The following KIAA1671 variants were observed in gnomAD, a reference collection of about 807,000 sequenced individuals.
KIAA1671 encodes uncharacterized protein KIAA1671.
In KIAA1671, 52 loss-of-function variants were observed where a neutral mutation model predicts 131.2. The observed-to-expected ratio is 0.40, with a 90% CI of 0.32 to 0.50. The LOEUF is 0.50. Ranked by LOEUF, KIAA1671 falls within the 20% of genes least tolerant of loss-of-function variation. The pLI, the probability that KIAA1671 is intolerant of heterozygous loss-of-function variation, is 0.73. For missense variants in KIAA1671, 2,360 were observed against 2,364.2 expected, an observed-to-expected ratio of 1.00 and a Z score of 0.04; for synonymous variants, 1,003 against 961.6, an observed-to-expected ratio of 1.04 and a Z score of -0.80.
At chr22:25,046,562 C>G (rs2145815945) in intron 5 of KIAA1671, among the ~76,000 whole-genome samples, 1 of 151,182 alleles carries the variant, frequency 6.6e-6, no homozygotes, top group African/African-American at 2.5e-5. Context: ...TCACATGGCT[C>G]CACTCCAAAA....
chr22:24,995,707 TGATG>T (rs1240562152), intron 1 of KIAA1671, among the ~76,000 whole-genome samples: 5 of 152,240 alleles, frequency 3.3e-5, no homozygotes, highest in Admixed American at 2.0e-4. Context: ...GGACAATTAC[TGATG>T]TAGGTGTTGA....
At chr22:24,974,784 C>A (rs1922831268) in intron 1 of KIAA1671, among the ~76,000 whole-genome samples, 1 of 145,202 alleles carries the variant, frequency 6.9e-6, no homozygotes, top group Non-Finnish European at 1.5e-5. Context: ...CCTCAACTTT[C>A]CGGCTTCAAG....
chr22:25,180,486 C>T (rs1387411507), intron 9 of KIAA1671, among the ~76,000 whole-genome samples: 1 of 151,848 alleles, frequency 6.6e-6, no homozygotes, highest in Non-Finnish European at 1.5e-5. Context: ...TGCAGGGAGC[C>T]GAGATCGTGC....
intron 1 of KIAA1671, among the ~76,000 whole-genome samples, chr22:24,953,156 G>A (rs1288088742): frequency 6.6e-6 from 1 of 152,214 alleles, no homozygotes; most frequent in Non-Finnish European, 1.5e-5. Context: ...CCAGTCAGGG[G>A]TGACGGCGAA....
intron 6 of KIAA1671, among the ~76,000 whole-genome samples, chr22:25,123,190 GTTTTTTTTTT>G (rs59051108): frequency 3.2e-5 from 2 of 63,396 alleles, no homozygotes; most frequent in Admixed American, 1.9e-4. Context: ...CTGAGATGAG[GTTTTTTTTTT>G]TTTTTTTTTT....
intron 1 of KIAA1671, among the ~76,000 whole-genome samples, chr22:24,965,407 C>T (rs1251662798): frequency 3.3e-5 from 5 of 150,712 alleles, no homozygotes. Flanking sequence ...AAGAATGAAA[C>T]TCCGTTTAAA....
intron 5 of KIAA1671, among the ~76,000 whole-genome samples, chr22:25,048,754 TTAAAA>T (rs1335793541): frequency 6.6e-6 from 1 of 152,114 alleles, no homozygotes; most frequent in African/African-American, 2.4e-5. Context: ...AAAGAGATGA[TTAAAA>T]TAAGGTCACC....
chr22:24,993,277 C>T (rs946350836), intron 1 of KIAA1671, among the ~76,000 whole-genome samples: 2 of 152,098 alleles, frequency 1.3e-5, no homozygotes, highest in East Asian at 3.9e-4. Flanking sequence ...GAAGGTGATT[C>T]TGGGAGAGCC....
At chr22:24,994,826 C>G (rs1036529410) in intron 1 of KIAA1671, among the ~76,000 whole-genome samples, 4 of 152,094 alleles carry the variant, frequency 2.6e-5, no homozygotes, top group African/African-American at 9.7e-5. Flanking sequence ...ATCGTCAGAG[C>G]TGTTGTATCC....
intron 6 of KIAA1671, among the ~76,000 whole-genome samples, chr22:25,101,044 T>C (rs1930635840): frequency 6.6e-6 from 1 of 152,220 alleles, no homozygotes; most frequent in Non-Finnish European, 1.5e-5. Flanking sequence ...CATTTGTTGT[T>C]TCCCAAGAAC....
intron 6 of KIAA1671, among the ~76,000 whole-genome samples, chr22:25,100,307 C>T (rs1930599316): frequency 6.6e-6 from 1 of 152,204 alleles, no homozygotes; most frequent in South Asian, 2.1e-4. Flanking sequence ...GTCCCCAAAG[C>T]CATGTTGGTG....
chr22:25,088,090 C>A (rs1929827576), intron 6 of KIAA1671, among the ~76,000 whole-genome samples: 1 of 148,652 alleles, frequency 6.7e-6, no homozygotes. Context: ...TTAATGATGT[C>A]TTTCTTTTCT....
intron 3 of KIAA1671, among the ~76,000 whole-genome samples, chr22:25,029,975 A>G (rs377267275): frequency 2.7e-4 from 41 of 152,368 alleles, no homozygotes; most frequent in African/African-American, 9.6e-4. Context: ...GAGTGGCCCA[A>G]AAAATAAACT....
intron 6 of KIAA1671, among the ~76,000 whole-genome samples, chr22:25,099,541 T>G (rs1348227169): frequency 7.0e-4 from 9 of 12,796 alleles, no homozygotes; most frequent in African/African-American, 5.3e-3. Context: ...ATGTGGGTTT[T>G]TTTGTTTTTT....
At chr22:25,048,747 G>A (rs904582611) in intron 5 of KIAA1671, among the ~76,000 whole-genome samples, 4 of 152,188 alleles carry the variant, frequency 2.6e-5, no homozygotes, top group African/African-American at 7.2e-5. Context: ...GGTGCATAAA[G>A]AGATGATTAA....
In KIAA1671 at chr22:25,039,995, C is replaced by T. The variant is rs1426757985; in HGVS notation, c.2865C>T (p.Asn955=). Residue 955 remains asparagine, a synonymous_variant, in exon 5 of 13, where the codon AAC becomes AAT. Coordinates refer to ENST00000358431, the MANE Select transcript of KIAA1671 (RefSeq NM_001145206.2). The part of the protein sequence containing the change: ...DRWRRRTLPP[N]VKFDTFSSLV... Reference sequence around the variant, plus strand: ...GGCGGCGGCGGACTTTACCCCCCAACGTGAAATTTGATACATTCAGTTCTC... The same window carrying T: ...GGCGGCGGCGGACTTTACCCCCCAATGTGAAATTTGATACATTCAGTTCTC... 1.8e-5 allele frequency: 28 copies of T among 1,551,134 alleles called. No individual in the cohort carries two copies. Among genetic ancestry groups the T allele is most frequent in the Non-Finnish European group, 2.3e-5 (26 of 1,146,732 alleles).
chr22:24,961,821 C>T (rs773859449), intron 1 of KIAA1671, among the ~76,000 whole-genome samples: 18 of 152,166 alleles, frequency 1.2e-4, no homozygotes, highest in Non-Finnish European at 2.5e-4. Context: ...TAGGACGGGT[C>T]CTTGCAGGAG....
chr22:25,093,838 GTCTCTCTCTCTCTCTCTCTCTCTC>G (rs56200570), intron 6 of KIAA1671, among the ~76,000 whole-genome samples: 1 of 19,640 alleles, frequency 5.1e-5, no homozygotes, highest in Non-Finnish European at 8.8e-5. Flanking sequence ...CTCTCTGTCT[GTCTCTCTCTCTCTCTCTCTCTCTC>G]TCTCTCTCTC....
chr22:25,066,995 G>T (rs141193692), intron 6 of KIAA1671, among the ~76,000 whole-genome samples: 1 of 152,144 alleles, frequency 6.6e-6, no homozygotes, highest in African/African-American at 2.4e-5. Context: ...GTTCCACTTC[G>T]TCAGCCTCTG....
Sources: gnomAD v4.1 joint callset for allele counts (sites outside exome capture counted in the v4.1 genomes callset) on GRCh38, gnomAD v4.1.1 for gene constraint, MANE v1.5 for transcripts, NCBI Gene and HGNC (gene_info 2026-07-23, HGNC 2026-07-21) for gene names.